The following CCDC88A variants were observed in gnomAD, a reference collection of about 807,000 sequenced individuals.
CCDC88A encodes girdin.
A neutral mutation model predicts 234.3 loss-of-function variants in CCDC88A; 54 were observed. That is an observed-to-expected ratio of 0.23 (90% confidence interval 0.19 to 0.29). CCDC88A has a LOEUF of 0.29. CCDC88A is among the 10% of genes least tolerant of loss of function. CCDC88A has a pLI of 1.00. For missense variants in CCDC88A, 1,832 were observed against 2,123.4 expected (o/e 0.86, Z 2.70); for synonymous variants, 753 against 737.8 (o/e 1.02, Z -0.33).
At chr2:55,301,848 G>A in intron 27 of CCDC88A, 24 bp downstream of exon 27, 1 of 1,598,904 alleles carries the variant, frequency 6.3e-7, no homozygotes, top group Non-Finnish European at 8.6e-7. Context: ...TTACACCACA[G>A]TGCAAATAGC....
rs1420227751 is a variant in CCDC88A, at chr2:55,317,797, G to A, written c.3369C>T (p.Asn1123=). The A allele has an allele frequency of 6.2e-7, 1 of 1,609,392 alleles. No individual in the cohort carries two copies. The change falls in exon 20 of 33, where the codon AAC becomes AAT. Residue 1123 remains asparagine, a synonymous_variant. Transcript: ENST00000436346. The surrounding 1 kb of genome is among the most constrained non-coding windows in gnomAD (Gnocchi z 4.2). ...GCTGGATTAGGAGTTGGGCATTCTG[G>A]TTCATGAGTGAGGTACTTTGGGAAT... ...TLNSQSTSLM[N]QNAQLLIQQS... is the part of the protein sequence containing the mutation.
rs1672232988 is a variant in CCDC88A at position 55,367,741 on chromosome 2, T to G, written c.403-3708A>C. Among the ~76,000 whole-genome samples the G allele has an allele frequency of 2.6e-5, 4 of 152,048 alleles. No individual in the cohort carries two copies. The South Asian group carries it at 8.3e-4, about 32-fold the overall frequency. On this transcript the variant is annotated intron_variant, in intron 5 of 32. Transcript: ENST00000436346. ...AGATGCTTTACAGATCATTGATAAG[T>G]AAACAATAGATTGTAGCCATCAAAC...
chr2:55,355,930 G>T, intron 7 of CCDC88A, 179 bp from the exon 8 acceptor site: 1 of 467,412 alleles, frequency 2.1e-6, no homozygotes, highest in South Asian at 4.4e-5. Flanking sequence ...TTCATGCATG[G>T]GCTACTTAGC....
intron 2 of CCDC88A, among the ~76,000 whole-genome samples, chr2:55,414,107 T>C (rs1010851156): frequency 1.3e-5 from 2 of 152,178 alleles, no homozygotes; most frequent in African/African-American, 4.8e-5. Flanking sequence ...TCTCTATAAC[T>C]ATCTAATAGG....
At position 55,332,761 on chromosome 2, in the gene CCDC88A, A is replaced by C. The variant is rs966702005; in HGVS notation, c.2728-68T>G. 7.2e-7 allele frequency: 1 copy of C among 1,389,140 alleles called. No homozygotes were observed. 86.1% of individuals were successfully genotyped at this position (1,389,140 alleles called of 1,614,324 possible). ...TATAAACATCTAAGAAAGTCAGCTA[A>C]GATTCTAATTACCACCATCTAGGAA... On this transcript the variant is annotated intron_variant, in intron 15 of 32. Coordinates refer to ENST00000436346, the MANE Select transcript of CCDC88A (RefSeq NM_001365480.1). The surrounding 1 kb of genome is among the most constrained non-coding windows in gnomAD (Gnocchi z 4.5).
At chr2:55,294,252 T>C (rs1412230118) in intron 31 of CCDC88A, 14 of 943,414 alleles carry the variant, frequency 1.5e-5, no homozygotes, top group Non-Finnish European at 1.8e-5. Flanking sequence ...TGATTTCAAG[T>C]ATAGAAGCCA....
At chr2:55,314,497 C>T (rs1682736790) in intron 22 of CCDC88A, 1 of 152,340 alleles carries the variant, frequency 6.6e-6, no homozygotes, top group Non-Finnish European at 1.5e-5. Context: ...CTCTGTCCCC[C>T]AAGTTCAAGC....
Position 55,328,250 on chromosome 2 carries a change from T to C in CCDC88A, c.2997+44A>G, listed in dbSNP as rs762115093. 2 of 1,355,830 alleles carry C rather than the reference T, an allele frequency of 1.5e-6. No homozygotes were observed. The highest frequency in any genetic ancestry group is 2.0e-6 in the Non-Finnish European group (2 of 991,328). The allele number at this position is 1,355,830 out of a possible 1,614,324, so 84.0% of individuals were successfully genotyped here. On this transcript the variant is annotated intron_variant, in intron 17 of 32. Transcript: ENST00000436346. The surrounding 1 kb of genome is among the most constrained non-coding windows in gnomAD (Gnocchi z 4.3). The stretch of plus-strand genomic sequence containing the variant: ...TTATATTTTTCTGTCCAAATATTTA[T>C]ATAATAAATGATCCTTAAAATTCTT...
intron 22 of CCDC88A, chr2:55,313,710 C>G: frequency 6.6e-6 from 1 of 151,978 alleles, no homozygotes; most frequent in East Asian, 1.9e-4. Flanking sequence ...AACACATACC[C>G]GCCCTGCCTA....
chr2:55,383,609 C>T (rs1179282828), intron 3 of CCDC88A, among the ~76,000 whole-genome samples: 2 of 140,106 alleles, frequency 1.4e-5, no homozygotes, highest in Admixed American at 7.7e-5. Flanking sequence ...GGCAACAAAG[C>T]GAGACTCCGT....
intron 2 of CCDC88A, among the ~76,000 whole-genome samples, chr2:55,401,242 CAACA>C (rs1678563491): frequency 6.6e-6 from 1 of 151,062 alleles, no homozygotes; most frequent in African/African-American, 2.4e-5. Flanking sequence ...CCAGCCTGTA[CAACA>C]CAGCAAGACT....
intron 31 of CCDC88A, chr2:55,294,258 A>G: frequency 2.1e-6 from 2 of 948,530 alleles, no homozygotes; most frequent in Non-Finnish European, 2.5e-6. Context: ...CAAGTATAGA[A>G]GCCATCTTGA....
At position 55,305,892 on chromosome 2, in the gene CCDC88A, T is replaced by C. The variant is rs545589078; in HGVS notation, c.4388-2740A>G. Among the ~76,000 whole-genome samples, 14 of 152,064 alleles carry C rather than the reference T, an allele frequency of 9.2e-5. No homozygotes were observed. In the East Asian group the frequency reaches 2.7e-3, roughly 29 times the overall value. On this transcript the variant is annotated intron_variant, in intron 25 of 32. Transcript: ENST00000436346. Reference sequence around the variant, plus strand: ...AAAAAACTTCCTTTAAAAAAAAAATTAAGTATACCTATTACTATTTCTTTC... The same window carrying C: ...AAAAAACTTCCTTTAAAAAAAAAATCAAGTATACCTATTACTATTTCTTTC...
intron 18 of CCDC88A, chr2:55,320,788 T>C (rs1329240847): frequency 6.6e-6 from 1 of 152,110 alleles, no homozygotes; most frequent in African/African-American, 2.4e-5. Context: ...GAAAGATAGG[T>C]ATACTCTCTT....
intron 7 of CCDC88A, among the ~76,000 whole-genome samples, chr2:55,359,752 A>G (rs1389936628): frequency 2.0e-5 from 3 of 151,640 alleles, no homozygotes; most frequent in Admixed American, 2.0e-4. Context: ...TTCTTTTTTG[A>G]AATAGTTTGT....
chr2:55,388,606 A>T (rs1360095526), intron 3 of CCDC88A, 172 bp downstream of exon 3: 1 of 380,552 alleles, frequency 2.6e-6, no homozygotes, highest in Non-Finnish European at 4.7e-6. Flanking sequence ...TGCTTGCTTA[A>T]GCCTTTAACA....
chr2:55,344,277 C>T (rs915729965), intron 11 of CCDC88A, 91 bp downstream of exon 11: 10 of 818,080 alleles, frequency 1.2e-5, no homozygotes, highest in Non-Finnish European at 1.8e-5. Flanking sequence ...GCCTCAAGGA[C>T]ACTAGCCATC....
In CCDC88A at chr2:55,288,124, T is replaced by A. The variant is rs1428450935; in HGVS notation, c.*3076A>T. 1 of 152,576 alleles carries A rather than the reference T, an allele frequency of 6.6e-6. No homozygotes were observed. The highest frequency in any genetic ancestry group is 2.4e-5 in the African/African-American group (1 of 41,432). 9.5% of individuals were successfully genotyped at this position (152,576 alleles called of 1,614,324 possible). On this transcript the variant is annotated 3_prime_UTR_variant, in exon 33 of 33. Coordinates refer to ENST00000436346, the MANE Select transcript of CCDC88A (RefSeq NM_001365480.1). ...TTTGGTATTTAATAACAGTTATAAG[T>A]ACAATGGTAGACACTGAAAAAGAAA...
intron 22 of CCDC88A, chr2:55,314,568 C>G (rs1160162740): frequency 1.3e-5 from 2 of 152,134 alleles, no homozygotes; most frequent in African/African-American, 4.8e-5. Context: ...CCACGCCTGG[C>G]TAATTTTTGT....
Sources: gnomAD v4.1 joint callset for allele counts (sites outside exome capture counted in the v4.1 genomes callset) on GRCh38, gnomAD v4.1.1 for gene constraint, Gnocchi (gnomAD v3.1) non-coding constraint, MANE v1.5 for transcripts, NCBI Gene and HGNC (gene_info 2026-07-23, HGNC 2026-07-21) for gene names.